The following VPS13B variants were observed in gnomAD, a reference collection of about 807,000 sequenced individuals.
VPS13B encodes vacuolar protein sorting 13 homolog B, also known as intermembrane lipid transfer protein VPS13B.
VPS13B carries 285 observed loss-of-function variants against 426.4 expected under a neutral mutation model. That is an observed-to-expected ratio of 0.67 (90% CI 0.61 to 0.74). VPS13B has a LOEUF of 0.74. Among genes scored for constraint, VPS13B ranks in the 30% least tolerant of loss-of-function variants. The probability of loss-of-function intolerance (pLI) is 0.00; values close to 1 mark genes in which losing one functional copy is unlikely to be tolerated. For missense variants in VPS13B, 4,537 were observed against 4,782.6 expected (o/e 0.95, Z 1.51); for synonymous variants, 1,676 against 1,676.4 (o/e 1.00, Z 0.01).
chr8:99,829,149 C>T (rs536966574), intron 51 of VPS13B, among the ~76,000 whole-genome samples: 1 of 152,254 alleles, frequency 6.6e-6, no homozygotes, highest in African/African-American at 2.4e-5. Flanking sequence ...GTCGGCCTGT[C>T]TTGCTGGGTT....
intron 39 of VPS13B, among the ~76,000 whole-genome samples, chr8:99,726,625 T>G (rs1296922564): frequency 6.6e-6 from 1 of 152,142 alleles, no homozygotes; most frequent in African/African-American, 2.4e-5. Flanking sequence ...AAAATAAATA[T>G]GAAAACAAGA....
intron 16 of VPS13B, among the ~76,000 whole-genome samples, chr8:99,177,736 T>G (rs1289917255): frequency 2.6e-5 from 4 of 152,230 alleles, no homozygotes; most frequent in African/African-American, 9.6e-5. Context: ...GTTTGTTTAG[T>G]GGTGTCCAAA....
intron 17 of VPS13B, among the ~76,000 whole-genome samples, chr8:99,271,195 AACTACTACTACT>A (rs10538522): frequency 0.1 from 14,803 of 145,230 alleles, 872 homozygotes; most frequent in Non-Finnish European, 0.14. Flanking sequence ...TGCTACCACT[AACTACTACTACT>A]ACTACTACTA....
chr8:99,612,112 G>T (rs1194883052), intron 33 of VPS13B, among the ~76,000 whole-genome samples: 1 of 152,084 alleles, frequency 6.6e-6, no homozygotes, highest in Non-Finnish European at 1.5e-5. Context: ...TTTCAACCCA[G>T]ATTTTATGTC....
intron 15 of VPS13B, among the ~76,000 whole-genome samples, chr8:99,169,559 G>A (rs1812208654): frequency 1.3e-5 from 2 of 151,782 alleles, no homozygotes; most frequent in South Asian, 2.1e-4. Context: ...GATATTTTTC[G>A]ATATCCTTTT....
At chr8:99,844,867 C>T (rs996906444) in intron 54 of VPS13B, among the ~76,000 whole-genome samples, 10 of 152,144 alleles carry the variant, frequency 6.6e-5, no homozygotes, top group African/African-American at 2.2e-4. Context: ...TTTTTATTTG[C>T]AACCTGGCCA....
At chr8:99,664,423 C>T (rs1376676264) in intron 35 of VPS13B, among the ~76,000 whole-genome samples, 1 of 151,702 alleles carries the variant, frequency 6.6e-6, no homozygotes, top group Non-Finnish European at 1.5e-5. Flanking sequence ...CCCATTAACT[C>T]GTCATTTAAC....
chr8:99,130,928 T>C (rs1322402232), intron 8 of VPS13B, among the ~76,000 whole-genome samples: 1 of 152,206 alleles, frequency 6.6e-6, no homozygotes, highest in Non-Finnish European at 1.5e-5. Context: ...TGATACTCAA[T>C]ATAGAGAAGT....
chr8:99,284,738 T>C (rs966448040), intron 19 of VPS13B, among the ~76,000 whole-genome samples: 1 of 46,802 alleles, frequency 2.1e-5, no homozygotes, highest in Non-Finnish European at 4.7e-5. Context: ...GTGTGTGTGT[T>C]TTTGTAGAGA....
chr8:99,238,169 G>T (rs1816738422), intron 17 of VPS13B, among the ~76,000 whole-genome samples: 1 of 151,972 alleles, frequency 6.6e-6, no homozygotes. Flanking sequence ...ATTTCAAAGT[G>T]CCCTATACTT....
At chr8:99,536,459 G>A (rs1228424289) in intron 30 of VPS13B, among the ~76,000 whole-genome samples, 2 of 151,998 alleles carry the variant, frequency 1.3e-5, no homozygotes, top group African/African-American at 2.4e-5. Context: ...CTAATAACTG[G>A]CTGTAGCATG....
chr8:99,743,401 G>T (rs1356504050), intron 39 of VPS13B, among the ~76,000 whole-genome samples: 1 of 151,708 alleles, frequency 6.6e-6, no homozygotes, highest in Non-Finnish European at 1.5e-5. Flanking sequence ...TACTGCCCAA[G>T]GTAATTTATA....
chr8:99,210,710 ATACTCCTAC>A (rs1815037955), intron 17 of VPS13B, among the ~76,000 whole-genome samples: 1 of 152,054 alleles, frequency 6.6e-6, no homozygotes, highest in Non-Finnish European at 1.5e-5. Flanking sequence ...GGCTCAAAAG[ATACTCCTAC>A]CTTAGCCTCC....
chr8:99,162,466 G>A (rs1055637526), intron 15 of VPS13B, among the ~76,000 whole-genome samples: 2 of 152,174 alleles, frequency 1.3e-5, no homozygotes, highest in Admixed American at 6.5e-5. Context: ...GAATGAAGCC[G>A]CGGACCCTCG....
At chr8:99,534,866 T>A (rs1398764219) in intron 30 of VPS13B, among the ~76,000 whole-genome samples, 1 of 152,184 alleles carries the variant, frequency 6.6e-6, no homozygotes, top group Non-Finnish European at 1.5e-5. Flanking sequence ...TAGCTATTCA[T>A]ATAGTGTAAC....
At position 99,328,178 on chromosome 8, in the gene VPS13B, G is replaced by A. The variant is rs144000077; in HGVS notation, c.2824+52924G>A. Among the ~76,000 whole-genome samples, 135 of 152,274 alleles carry A rather than the reference G, an allele frequency of 8.9e-4. 1 individual carries two copies. Among genetic ancestry groups the A allele is most frequent in the African/African-American group, 3.1e-3 (130 of 41,566 alleles). On this transcript the variant is annotated intron_variant, in intron 19 of 61. Transcript: ENST00000357162. The stretch of plus-strand genomic sequence containing the variant: ...ACTGTGCATGCAAGGGATCTAGGCT[G>A]CACGCTCCTCATGAGAATCTAATGT...
At chr8:99,313,071 A>G (rs1257330169) in intron 19 of VPS13B, among the ~76,000 whole-genome samples, 1 of 152,126 alleles carries the variant, frequency 6.6e-6, no homozygotes, top group Non-Finnish European at 1.5e-5. Context: ...CCATTCATCT[A>G]ATCTTTTTTC....
intron 19 of VPS13B, among the ~76,000 whole-genome samples, chr8:99,329,397 A>G (rs1810441343): frequency 1.3e-5 from 2 of 152,122 alleles, no homozygotes; most frequent in Admixed American, 6.6e-5. Context: ...TTAAGGTATT[A>G]TGGAAGAACA....
intron 35 of VPS13B, among the ~76,000 whole-genome samples, chr8:99,678,821 A>T (rs1831045057): frequency 6.6e-6 from 1 of 152,214 alleles, no homozygotes; most frequent in Non-Finnish European, 1.5e-5. Flanking sequence ...GCTCATTCAA[A>T]AAAGCAGGAT....
Sources: allele counts gnomAD v4.1 joint callset (sites outside exome capture counted in the v4.1 genomes callset), GRCh38; gene constraint gnomAD v4.1.1; transcripts MANE v1.5; gene names NCBI Gene and HGNC (gene_info 2026-07-23, HGNC 2026-07-21).